The following IGFBP7 variants were observed in gnomAD, a reference collection of about 807,000 sequenced individuals.
IGFBP7 encodes insulin like growth factor binding protein 7, also known as insulin-like growth factor-binding protein 7.
A neutral mutation model predicts 29.4 loss-of-function variants in IGFBP7; 31 were observed. The ratio of observed to expected loss-of-function variants is 1.05; its 90% CI spans 0.79 to 1.42. The LOEUF is 1.42. Among genes scored for constraint, IGFBP7 ranks in the 40% most tolerant of loss-of-function variants. IGFBP7 has a pLI of 0.00. For synonymous variants in IGFBP7, 172 were observed against 174.9 expected (o/e 0.98, Z 0.13); for missense variants, 393 against 395.5 (o/e 0.99, Z 0.05).
chr4:57,072,755 G>C (rs1725085024), intron 1 of IGFBP7: 1 of 506,416 alleles, frequency 2.0e-6, no homozygotes, highest in Non-Finnish European at 3.9e-6. Context: ...TGCCTTGCCT[G>C]AATCAGGCAA....
At chr4:57,035,035 T>A (rs1487488550) in intron 2 of IGFBP7, among the ~76,000 whole-genome samples, 1 of 152,228 alleles carries the variant, frequency 6.6e-6, no homozygotes, top group Non-Finnish European at 1.5e-5. Flanking sequence ...ATCCAAGGTC[T>A]CAAGTAATAT....
intron 1 of IGFBP7, chr4:57,073,063 A>T (rs1347363738): frequency 6.9e-6 from 10 of 1,444,450 alleles, no homozygotes; most frequent in African/African-American, 1.4e-5. Flanking sequence ...AGCTCTGGAA[A>T]CCCCCCACAG....
chr4:57,069,767 G>C (rs2109774180), intron 1 of IGFBP7, among the ~76,000 whole-genome samples: 1 of 151,366 alleles, frequency 6.6e-6, no homozygotes. Flanking sequence ...ATCTTTCTAG[G>C]CTGTTTATGG....
At chr4:57,054,049 C>T (rs1055748255) in intron 1 of IGFBP7, among the ~76,000 whole-genome samples, 3 of 151,978 alleles carry the variant, frequency 2.0e-5, no homozygotes, top group African/African-American at 4.8e-5. Flanking sequence ...GTTACATTGC[C>T]CAGGTTGGTC....
intron 1 of IGFBP7, among the ~76,000 whole-genome samples, chr4:57,096,031 C>G (rs923311195): frequency 2.0e-5 from 3 of 151,958 alleles, no homozygotes; most frequent in African/African-American, 7.3e-5. Context: ...ATAAAAAGCA[C>G]TGGGCTAATG....
At chr4:57,065,149 C>T in intron 1 of IGFBP7, among the ~76,000 whole-genome samples, 1 of 152,264 alleles carries the variant, frequency 6.6e-6, no homozygotes, top group Non-Finnish European at 1.5e-5. Context: ...GGGGAGAACT[C>T]CCCATGTGGC....
intron 1 of IGFBP7, among the ~76,000 whole-genome samples, chr4:57,073,833 C>T (rs1725126483): frequency 6.6e-6 from 1 of 152,100 alleles, no homozygotes; most frequent in Non-Finnish European, 1.5e-5. Context: ...AAAGCGTGTT[C>T]TCTTTATCTG....
chr4:57,085,751 C>G (rs1292865828), intron 1 of IGFBP7, among the ~76,000 whole-genome samples: 1 of 152,142 alleles, frequency 6.6e-6, no homozygotes, highest in Non-Finnish European at 1.5e-5. Flanking sequence ...CACAGCCTTA[C>G]AAGGAGACAT....
chr4:57,050,665 C>A (rs1299071064), intron 1 of IGFBP7, among the ~76,000 whole-genome samples: 3 of 152,084 alleles, frequency 2.0e-5, no homozygotes, highest in Non-Finnish European at 4.4e-5. Context: ...CTGCCTCAGC[C>A]TCCCAAGGAG....
chr4:57,060,727 G>T (rs1427960167), intron 1 of IGFBP7, among the ~76,000 whole-genome samples: 1 of 151,982 alleles, frequency 6.6e-6, no homozygotes, highest in Non-Finnish European at 1.5e-5. Flanking sequence ...CTGGGAGCCT[G>T]GGCAATATAG....
Position 57,100,243 on chromosome 4 carries a change from A to G in IGFBP7, c.475+9634T>C, listed in dbSNP as rs561409749. On this transcript the variant is annotated intron_variant, in intron 1 of 4. Transcript: ENST00000295666. Reference sequence around the variant, plus strand: ...TCCCACTGTGCCTGGCCAATTAACAATTTCATTTTTATTTTTAGTAGAGAT... The same window carrying G: ...TCCCACTGTGCCTGGCCAATTAACAGTTTCATTTTTATTTTTAGTAGAGAT... Among the ~76,000 whole-genome samples, 141 of 150,650 alleles carry G rather than the reference A, an allele frequency of 9.4e-4. 1 individual carries two copies. The highest frequency in any genetic ancestry group is 3.3e-3 in the African/African-American group (136 of 41,020).
chr4:57,052,330 T>C (rs541822183), intron 1 of IGFBP7, among the ~76,000 whole-genome samples: 10 of 152,236 alleles, frequency 6.6e-5, no homozygotes, highest in African/African-American at 2.2e-4. Flanking sequence ...GGTGTCAGTC[T>C]GAGGAAGGTG....
chr4:57,075,021 G>A (rs1255211707), intron 1 of IGFBP7, among the ~76,000 whole-genome samples: 1 of 152,178 alleles, frequency 6.6e-6, no homozygotes, highest in East Asian at 1.9e-4. Context: ...TTGCTAAAGG[G>A]CATCTTCCTT....
chr4:57,101,796 G>A (rs1467117822), intron 1 of IGFBP7, among the ~76,000 whole-genome samples: 1 of 150,074 alleles, frequency 6.7e-6, no homozygotes, highest in Non-Finnish European at 1.5e-5. Context: ...ATATATGACA[G>A]GCTGGGGGAA....
At chr4:57,065,876 C>T (rs567461481) in intron 1 of IGFBP7, among the ~76,000 whole-genome samples, 3 of 152,242 alleles carry the variant, frequency 2.0e-5, no homozygotes, top group South Asian at 4.2e-4. Flanking sequence ...ACTCCATTCC[C>T]GTTATCTCTC....
rs1016024007 is a variant in IGFBP7, at chr4:57,110,382, G to T, written c.-31C>A. ...GGTGCGGTGGCAGCGGCAAGGGCGC[G>T]AGTGAGCCGTGTCGGGCCGGCCGGC... On this transcript the variant is annotated 5_prime_UTR_variant, in exon 1 of 5. Transcript: ENST00000295666. The T allele has an allele frequency of 2.3e-6, 3 of 1,298,380 alleles. No individual in the cohort carries two copies. The East Asian group carries it at 9.7e-5, about 42-fold the overall frequency. 80.4% of individuals were successfully genotyped at this position (1,298,380 alleles called of 1,614,324 possible).
At chr4:57,108,138 TAAACATATGC>T (rs1360781802) in intron 1 of IGFBP7, among the ~76,000 whole-genome samples, 1 of 152,242 alleles carries the variant, frequency 6.6e-6, no homozygotes, top group Non-Finnish European at 1.5e-5. Context: ...GTTTCTATTG[TAAACATATGC>T]AGATTATTTT....
At chr4:57,043,018 A>T (rs1217572818) in intron 1 of IGFBP7, among the ~76,000 whole-genome samples, 1 of 152,208 alleles carries the variant, frequency 6.6e-6, no homozygotes, top group Non-Finnish European at 1.5e-5. Context: ...GCCAACAGAT[A>T]CCGAGAGAGC....
Position 57,033,259 on chromosome 4 carries a change from C to T in IGFBP7, c.638G>A (p.Arg213Gln), listed in dbSNP as rs149889623. The change falls in exon 3 of 5, where the codon CGG becomes CAG. Residue 213 changes from arginine (R) to glutamine (Q), a missense_variant. Coordinates refer to ENST00000295666, the MANE Select transcript of IGFBP7 (RefSeq NM_001553.3). Reference protein sequence around the residue: ...VQRTELLPGDRDNLAIQTRGG... With the variant: ...VQRTELLPGDQDNLAIQTRGG... ...CCGGGTCTGAATGGCCAGGTTGTCCCGGTCACCAGGCAGGAGTTCTGTCCT... is the reference window on the plus strand; with the variant it reads ...CCGGGTCTGAATGGCCAGGTTGTCCTGGTCACCAGGCAGGAGTTCTGTCCT... 52 of 1,614,176 alleles carry T rather than the reference C, an allele frequency of 3.2e-5. No individual in the cohort carries two copies. Among genetic ancestry groups the T allele is most frequent in the East Asian group, 4.5e-5 (2 of 44,880 alleles).
Sources: gnomAD v4.1 joint callset for allele counts (sites outside exome capture counted in the v4.1 genomes callset) on GRCh38, gnomAD v4.1.1 for gene constraint, MANE v1.5 for transcripts, NCBI Gene and HGNC (gene_info 2026-07-23, HGNC 2026-07-21) for gene names.